The following RAVER1 variants were observed in gnomAD, a reference collection of about 807,000 sequenced individuals.
The protein encoded by RAVER1 is ribonucleoprotein PTB-binding 1.
A neutral mutation model predicts 68.4 loss-of-function variants in RAVER1; 36 were observed. That is an observed-to-expected ratio of 0.53 (90% CI 0.40 to 0.70). RAVER1 has a LOEUF of 0.70. Among genes scored for constraint, RAVER1 ranks in the 30% least tolerant of loss-of-function variants. The pLI is 0.00. For missense variants in RAVER1, 933 were observed against 1,019.8 expected (o/e 0.91, Z 1.16); for synonymous variants, 469 against 472.7 (o/e 0.99, Z 0.10).
chr19:10,330,515 G>T lies in RAVER1; in HGVS notation c.231C>A (p.Asp77Glu). The T allele has an allele frequency of 1.3e-6, 2 of 1,497,468 alleles. No individual in the cohort carries two copies. Among genetic ancestry groups the T allele is most frequent in the Non-Finnish European group, 1.8e-6 (2 of 1,090,468 alleles). The allele number at this position is 1,497,468 out of a possible 1,614,324, so 92.8% of individuals were successfully genotyped here. The change falls in exon 2 of 13, where the codon GAC (aspartate) becomes GAA (glutamate). Residue 77 changes from aspartate (D) to glutamate (E), a missense_variant. Around this residue, in one of 3 missense-constraint regions of RAVER1, gnomAD observed 211 missense variants for 230.0 expected, o/e 0.92. Transcript: ENST00000617231. ...PGDVTNQEVH[D>E]LLSDYELKYC... is the part of the protein sequence containing the mutation. The stretch of plus-strand genomic sequence containing the variant: ...ATTTGAGCTCATAGTCACTGAGCAG[G>T]TCATGTACTTCCTGTGGAGATACAA...
At chr19:10,332,810 GT>G (rs78321599) in intron 1 of RAVER1, among the ~76,000 whole-genome samples, 5,169 of 152,240 alleles carry the variant, frequency 0.034, 98 homozygotes, top group East Asian at 0.049. Context: ...AGGGGCTGCT[GT>G]TAACTTCCGG....
rs1599301444 is a variant in RAVER1, at chr19:10,323,377, T to C, written c.946A>G (p.Thr316Ala). 1 of 1,605,308 alleles carries C rather than the reference T, an allele frequency of 6.2e-7. No homozygotes were observed. The change falls in exon 4 of 13, where the codon ACG becomes GCG. Residue 316 changes from threonine (T) to alanine (A), a missense_variant and splice_region_variant. Around this residue, in one of 3 missense-constraint regions of RAVER1, gnomAD observed 699 missense variants for 731.1 expected, o/e 0.96. Coordinates refer to ENST00000617231, the MANE Select transcript of RAVER1 (RefSeq NM_133452.3). The surrounding 1 kb of genome is among the most constrained non-coding windows in gnomAD (Gnocchi z 6.2). The part of the protein sequence containing the change: ...MLAALIAAQA[T>A]ALNRGKGLLP... ...CACCTCTGCCCGCACAGGCTCACCG[T>C]GGCCTGGGCAGCGATGAGAGCGGCC...
At chr19:10,326,033 A>G (rs2040472491) in intron 3 of RAVER1, among the ~76,000 whole-genome samples, 1 of 152,114 alleles carries the variant, frequency 6.6e-6, no homozygotes, top group Non-Finnish European at 1.5e-5. Context: ...AGGCAGGTGT[A>G]TCACCTGAAG....
chr19:10,330,466 C>G lies in RAVER1; in HGVS notation c.280G>C (p.Gly94Arg), dbSNP rs1258787338. 1 of 1,507,858 alleles carries G rather than the reference C, an allele frequency of 6.6e-7. No individual in the cohort carries two copies. The highest frequency in any genetic ancestry group is 2.3e-5 in the East Asian group (1 of 42,848). The allele number at this position is 1,507,858 out of a possible 1,614,324, so 93.4% of individuals were successfully genotyped here. ...LKYCFVDKYK[G>R]TAFVTLLNGE... Reference sequence around the variant, plus strand: ...GCCCCATGGCCCCACAAACCTGTCCCTTTGTATTTGTCCACAAAACAGTAT... The same window carrying G: ...GCCCCATGGCCCCACAAACCTGTCCGTTTGTATTTGTCCACAAAACAGTAT... Residue 94 changes from glycine (G) to arginine (R), a missense_variant, in exon 2 of 13, where the codon GGG (glycine) becomes CGG (arginine). Around this residue, in one of 3 missense-constraint regions of RAVER1, gnomAD observed 211 missense variants for 230.0 expected, o/e 0.92. Coordinates refer to ENST00000617231, the MANE Select transcript of RAVER1 (RefSeq NM_133452.3).
rs540229679 is a variant in RAVER1 at position 10,317,075 on chromosome 19, G to C, written c.*379C>G. 3.6e-6 allele frequency: 1 copy of C among 279,520 alleles called. No homozygotes were observed. The highest frequency in any genetic ancestry group is 1.3e-4 in the East Asian group (1 of 7,526). 17.3% of individuals were successfully genotyped at this position (279,520 alleles called of 1,614,324 possible). ...GTTAAAAAAAAAGGAGACAGTCTCT[G>C]TATCTTCACGGGAGGTCAGGGAAAC... On this transcript the variant is annotated 3_prime_UTR_variant, in exon 13 of 13. Transcript: ENST00000617231. This position sits in a 1 kb window ranked among gnomAD's most constrained non-coding sequence, Gnocchi z 4.3.
rs1045337105 is a variant in RAVER1, at chr19:10,322,668, C to T, written c.1150G>A (p.Ala384Thr). The stretch of plus-strand genomic sequence containing the variant: ...ACCTTCTGGCCCTGGGTCTGCAGGG[C>T]GAGCTGCAACAGCGCCGTGGACAGG... ...PALSTALLQL[A>T]LQTQGQKKPG... The change falls in exon 6 of 13, where the codon GCC becomes ACC. Residue 384 changes from alanine to threonine, a missense_variant. Around this residue, in one of 3 missense-constraint regions of RAVER1, gnomAD observed 699 missense variants for 731.1 expected, o/e 0.96. Coordinates refer to ENST00000617231, the MANE Select transcript of RAVER1 (RefSeq NM_133452.3). This position sits in a 1 kb window ranked among gnomAD's most constrained non-coding sequence, Gnocchi z 4.3. 7 of 1,542,744 alleles carry T rather than the reference C, an allele frequency of 4.5e-6. No individual in the cohort carries two copies. The highest frequency in any genetic ancestry group is 5.0e-5 in the East Asian group (2 of 40,018).
In RAVER1 at chr19:10,333,474, G is replaced by A. The variant is rs2040541127; in HGVS notation, c.34C>T (p.Pro12Ser). Residue 12 changes from proline to serine, a missense_variant, in exon 1 of 13, where the codon CCG (proline) becomes TCG (serine). Coordinates refer to ENST00000617231, the MANE Select transcript of RAVER1 (RefSeq NM_133452.3). The surrounding 1 kb of genome is among the most constrained non-coding windows in gnomAD (Gnocchi z 4.2). ...AADVSVTHRP[P>S]LSPKSGAEVE... ...TCGGCCCCAGACTTAGGGCTCAGCG[G>A]GGGCCGGTGAGTAACGGACACGTCC... 6.2e-7 allele frequency: 1 copy of A among 1,610,018 alleles called. No homozygotes were observed. The highest frequency in any genetic ancestry group is 8.5e-7 in the Non-Finnish European group (1 of 1,179,156).
At chr19:10,320,555 G>T in intron 9 of RAVER1, 100 bp downstream of exon 9, 1 of 817,272 alleles carries the variant, frequency 1.2e-6, no homozygotes, top group Non-Finnish European at 1.8e-6. Flanking sequence ...GTTCCCTGCC[G>T]CCTCCCTAGC....
Position 10,317,442 on chromosome 19 carries a change from G to C in RAVER1, c.*12C>G. ...TGGTGCAGGCCCTTGAGTTATCTCT[G>C]GTGCCAGCCACTTAGAAAATCCTCT... On this transcript the variant is annotated 3_prime_UTR_variant, in exon 13 of 13. Transcript: ENST00000617231. This position sits in a 1 kb window ranked among gnomAD's most constrained non-coding sequence, Gnocchi z 4.3. 6.2e-7 allele frequency: 1 copy of C among 1,613,456 alleles called. No homozygotes were observed. Among genetic ancestry groups the C allele is most frequent in the South Asian group, 1.1e-5 (1 of 91,072 alleles).
chr19:10,318,947 A>G (rs907387196), intron 10 of RAVER1, among the ~76,000 whole-genome samples: 10 of 152,158 alleles, frequency 6.6e-5, no homozygotes, highest in Non-Finnish European at 1.0e-4. Flanking sequence ...TGGGAGGCCA[A>G]AGTGGGAGGA....
Position 10,316,698 on chromosome 19 carries a change from G to A in RAVER1, c.*756C>T, listed in dbSNP as rs1311014122. 2.5e-6 allele frequency: 1 copy of A among 403,870 alleles called. No individual in the cohort carries two copies. The highest frequency in any genetic ancestry group is 2.2e-5 in the African/African-American group (1 of 46,206). 25.0% of individuals were successfully genotyped at this position (403,870 alleles called of 1,614,324 possible). ...ACTGTCCCCAGGGTGGAGATCCTGGGTAGGGTGGCCCAATCCCTAGGCCAG... is the reference window on the plus strand; with the variant it reads ...ACTGTCCCCAGGGTGGAGATCCTGGATAGGGTGGCCCAATCCCTAGGCCAG... On this transcript the variant is annotated 3_prime_UTR_variant, in exon 13 of 13. Coordinates refer to ENST00000617231, the MANE Select transcript of RAVER1 (RefSeq NM_133452.3).
Position 10,321,167 on chromosome 19 carries a change from C to A in RAVER1, c.1354G>T (p.Ala452Ser). 4 of 1,287,072 alleles carry A rather than the reference C, an allele frequency of 3.1e-6. No individual in the cohort carries two copies. The highest frequency in any genetic ancestry group is 3.9e-6 in the Non-Finnish European group (4 of 1,014,782). The allele number at this position is 1,287,072 out of a possible 1,614,324, so 79.7% of individuals were successfully genotyped here. Residue 452 changes from alanine to serine, a missense_variant, in exon 8 of 13, where the codon GCC becomes TCC. By Grantham distance (99) the Ala-to-Ser change is moderately conservative. Coordinates refer to ENST00000617231, the MANE Select transcript of RAVER1 (RefSeq NM_133452.3). Reference protein sequence around the residue: ...VLGPAGGDREALGLGPPAAQL... With the variant: ...VLGPAGGDRESLGLGPPAAQL... The stretch of plus-strand genomic sequence containing the variant: ...GCCGCTGGGGGACCCAAGCCCAGGG[C>A]CTCCCGGTCACCCCCAGCAGGGCCA...
chr19:10,326,508 G>A (rs547349260), intron 3 of RAVER1, among the ~76,000 whole-genome samples: 13 of 152,318 alleles, frequency 8.5e-5, no homozygotes, highest in African/African-American at 2.9e-4. Flanking sequence ...GCAGCGGCAC[G>A]ATCTCCACTA....
Position 10,317,599 on chromosome 19 carries a change from G to A in RAVER1, c.2075C>T (p.Thr692Ile). ...GPNGHSHLLK[T>I]PLGGQKRSFA... Reference sequence around the variant, plus strand: ...GCTGCGTTTCTGGCCGCCCAGTGGGGTCTGGAGACAGAGGGCAGGGCGGGG... The same window carrying A: ...GCTGCGTTTCTGGCCGCCCAGTGGGATCTGGAGACAGAGGGCAGGGCGGGG... Residue 692 changes from threonine (T) to isoleucine (I), a missense_variant and splice_region_variant, in exon 13 of 13, where the codon ACC becomes ATC. Coordinates refer to ENST00000617231, the MANE Select transcript of RAVER1 (RefSeq NM_133452.3). This position sits in a 1 kb window ranked among gnomAD's most constrained non-coding sequence, Gnocchi z 4.3. 6.2e-7 allele frequency: 1 copy of A among 1,605,676 alleles called. No individual in the cohort carries two copies. Among genetic ancestry groups the A allele is most frequent in the South Asian group, 1.1e-5 (1 of 90,570 alleles).
intron 1 of RAVER1, among the ~76,000 whole-genome samples, chr19:10,332,073 C>T (rs2040523364): frequency 6.6e-6 from 1 of 152,168 alleles, no homozygotes; most frequent in African/African-American, 2.4e-5. Flanking sequence ...TAGCTCACTG[C>T]AGCCTCAACC....
At chr19:10,325,890 T>C (rs751434665) in intron 3 of RAVER1, among the ~76,000 whole-genome samples, 4 of 152,036 alleles carry the variant, frequency 2.6e-5, no homozygotes, top group Non-Finnish European at 5.9e-5. Flanking sequence ...CAGCCCCATT[T>C]TGAGATGTGG....
At chr19:10,327,601 A>G (rs1599303743) in intron 3 of RAVER1, among the ~76,000 whole-genome samples, 1 of 152,118 alleles carries the variant, frequency 6.6e-6, no homozygotes, top group East Asian at 1.9e-4. Flanking sequence ...CACTGGCCCA[A>G]GCTCTGGAGC....
intron 1 of RAVER1, among the ~76,000 whole-genome samples, chr19:10,331,206 C>T (rs1171908644): frequency 3.3e-5 from 5 of 150,412 alleles, no homozygotes; most frequent in East Asian, 2.0e-4. Context: ...AAAAATTAGC[C>T]GGGCGCGGTG....
rs896384611 is a variant in RAVER1 at position 10,329,708 on chromosome 19, C to A, written c.287-597G>T. ...CCACGTGCTGCCCCAGATTTGCGAT[C>A]CACCCAGCGGCCGCAGGAAGCTTTG... On this transcript the variant is annotated intron_variant, in intron 2 of 12. Coordinates refer to ENST00000617231, the MANE Select transcript of RAVER1 (RefSeq NM_133452.3). This position sits in a 1 kb window ranked among gnomAD's most constrained non-coding sequence, Gnocchi z 4.6. Among the ~76,000 whole-genome samples the A allele has an allele frequency of 1.3e-5, 2 of 152,126 alleles. No individual in the cohort carries two copies. Among genetic ancestry groups the A allele is most frequent in the Admixed American group, 6.6e-5 (1 of 15,254 alleles).
Sources: gnomAD v4.1 joint callset for allele counts (sites outside exome capture counted in the v4.1 genomes callset) on GRCh38, gnomAD v4.1.1 for gene constraint, gnomAD v4.1.1 regional missense constraint, Gnocchi (gnomAD v3.1) non-coding constraint, MANE v1.5 for transcripts, NCBI Gene and HGNC (gene_info 2026-07-23, HGNC 2026-07-21) for gene names.